BACH2: variants seen among roughly 807,000 people sequenced by gnomAD.
BACH2 encodes the protein transcription regulator protein BACH2.
BACH2 carries 5 observed loss-of-function variants against 61.8 expected under a neutral mutation model. That is an observed-to-expected ratio of 0.08 (90% confidence interval 0.04 to 0.17). BACH2 has a LOEUF of 0.17. Ranked by LOEUF, BACH2 falls within the 10% of genes least tolerant of loss-of-function variation. The pLI is 1.00. For synonymous variants in BACH2, 446 were observed against 440.1 expected (o/e 1.01, Z -0.17); for missense variants, 824 against 1,091.1 (o/e 0.76, Z 3.45).
chr6:90,178,137 T>C (rs1201654017), intron 4 of BACH2, among the ~76,000 whole-genome samples: 2 of 152,144 alleles, frequency 1.3e-5, no homozygotes, highest in Non-Finnish European at 2.9e-5. Flanking sequence ...CAGGGTGTGA[T>C]ACCAACCGAA....
intron 1 of BACH2, among the ~76,000 whole-genome samples, chr6:90,279,838 G>T (rs895960589): frequency 6.6e-6 from 1 of 151,972 alleles, no homozygotes; most frequent in Non-Finnish European, 1.5e-5. Flanking sequence ...AGTTTTGCTA[G>T]GAACATCAAA....
At chr6:89,997,311 A>G (rs4707585) in intron 6 of BACH2, among the ~76,000 whole-genome samples, 97,957 of 152,118 alleles carry the variant, frequency 0.64, 32,431 homozygotes, top group South Asian at 0.75. Context: ...TCATCCAAAA[A>G]AATCTCCAGT....
intron 5 of BACH2, among the ~76,000 whole-genome samples, chr6:90,045,585 T>C (rs947080130): frequency 5.3e-5 from 8 of 152,182 alleles, no homozygotes; most frequent in Non-Finnish European, 5.9e-5. Flanking sequence ...CCGAGATAAG[T>C]TGCATTGAAT....
chr6:89,991,905 T>C (rs1417348602), intron 6 of BACH2, among the ~76,000 whole-genome samples: 1 of 152,232 alleles, frequency 6.6e-6, no homozygotes, highest in African/African-American at 2.4e-5. Context: ...TGTTTAAAAG[T>C]TAATCTAATC....
intron 4 of BACH2, among the ~76,000 whole-genome samples, chr6:90,196,565 GTCACA>G (rs1157437968): frequency 8.5e-5 from 13 of 152,174 alleles, no homozygotes; most frequent in African/African-American, 2.9e-4. Flanking sequence ...GCCTAGAGCT[GTCACA>G]GCAAATTGTT....
intron 5 of BACH2, among the ~76,000 whole-genome samples, chr6:90,070,525 C>T (rs1362362992): frequency 6.6e-6 from 1 of 152,166 alleles, no homozygotes; most frequent in Non-Finnish European, 1.5e-5. Context: ...CACGGTCCTC[C>T]TGACTGTAAT....
intron 5 of BACH2, among the ~76,000 whole-genome samples, chr6:90,077,008 A>G (rs1781499695): frequency 6.6e-6 from 1 of 152,200 alleles, no homozygotes; most frequent in African/African-American, 2.4e-5. Flanking sequence ...CTTAAAATAC[A>G]TCATTAGAGA....
chr6:90,266,929 T>C (rs633937), intron 2 of BACH2, among the ~76,000 whole-genome samples: 7,974 of 152,226 alleles, frequency 0.052, 643 homozygotes, highest in African/African-American at 0.17. Flanking sequence ...TTTTTAAAAG[T>C]ACACATGGCA....
chr6:90,251,380 C>A (rs1277501402), intron 3 of BACH2, among the ~76,000 whole-genome samples: 2 of 152,106 alleles, frequency 1.3e-5, no homozygotes, highest in African/African-American at 4.8e-5. Context: ...CGGATGGTTT[C>A]TTTTAAAACA....
chr6:90,032,009 T>C (rs1251126302), intron 5 of BACH2, among the ~76,000 whole-genome samples: 2 of 152,100 alleles, frequency 1.3e-5, no homozygotes, highest in African/African-American at 4.8e-5. Flanking sequence ...AAGACAGACA[T>C]ATAGACCAAT....
intron 6 of BACH2, among the ~76,000 whole-genome samples, chr6:89,956,635 G>C (rs1439991986): frequency 6.6e-6 from 1 of 151,946 alleles, no homozygotes; most frequent in Non-Finnish European, 1.5e-5. Context: ...CAGTGTTTTG[G>C]GGAGCTCAGT....
chr6:90,270,709 T>G (rs921332215), intron 2 of BACH2, among the ~76,000 whole-genome samples: 1 of 152,090 alleles, frequency 6.6e-6, no homozygotes, highest in East Asian at 1.9e-4. Flanking sequence ...TCATTCTTCA[T>G]AGAACTAGAA....
intron 5 of BACH2, among the ~76,000 whole-genome samples, chr6:90,071,670 CAG>C (rs1342068716): frequency 2.0e-5 from 3 of 152,166 alleles, no homozygotes; most frequent in Non-Finnish European, 4.4e-5. Flanking sequence ...TTGCATAACA[CAG>C]GGGTTGGGGC....
At chr6:89,987,754 T>C (rs1175701941) in intron 6 of BACH2, among the ~76,000 whole-genome samples, 2 of 152,058 alleles carry the variant, frequency 1.3e-5, no homozygotes. Flanking sequence ...TATGCCATTA[T>C]TATAAAAAAA....
intron 5 of BACH2, among the ~76,000 whole-genome samples, chr6:90,041,882 A>C (rs1368553118): frequency 6.6e-6 from 1 of 151,896 alleles, no homozygotes; most frequent in East Asian, 1.9e-4. Context: ...ATATACTTTT[A>C]TTTCCTTCCT....
intron 1 of BACH2, among the ~76,000 whole-genome samples, chr6:90,295,654 GGTGT>G (rs138869202): frequency 0.12 from 17,440 of 147,706 alleles, 1,062 homozygotes; most frequent in South Asian, 0.18. Flanking sequence ...TGGAGTGTAG[GGTGT>G]GTGTGTGTGT....
intron 5 of BACH2, among the ~76,000 whole-genome samples, chr6:90,084,128 T>C (rs956643812): frequency 1.3e-5 from 2 of 151,944 alleles, no homozygotes; most frequent in African/African-American, 2.4e-5. Flanking sequence ...TGGGGAAGTA[T>C]GAAGGTTAGC....
intron 4 of BACH2, among the ~76,000 whole-genome samples, chr6:90,127,849 G>A (rs946445754): frequency 1.3e-5 from 2 of 152,196 alleles, no homozygotes; most frequent in African/African-American, 4.8e-5. Flanking sequence ...AATGAAGACC[G>A]TTGACACTTT....
intron 4 of BACH2, among the ~76,000 whole-genome samples, chr6:90,177,539 T>C (rs1188541835): frequency 6.6e-6 from 1 of 152,242 alleles, no homozygotes; most frequent in Non-Finnish European, 1.5e-5. Flanking sequence ...TGATTAGGAC[T>C]TGGGTCTCTG....
Sources: gnomAD v4.1 joint callset for allele counts (sites outside exome capture counted in the v4.1 genomes callset) on GRCh38, gnomAD v4.1.1 for gene constraint, MANE v1.5 for transcripts, NCBI Gene and HGNC (gene_info 2026-07-23, HGNC 2026-07-21) for gene names.